Variants in BMP5 observed in about 807,000 individuals in gnomAD.
BMP5 encodes the protein bone morphogenetic protein 5.
Under a neutral mutation model 46.6 loss-of-function variants are expected in BMP5, and 23 were observed. That is an observed-to-expected ratio of 0.49 (90% confidence interval 0.35 to 0.70). The LOEUF (loss-of-function observed/expected upper bound fraction) is 0.70, where lower values mean the gene tolerates loss of function less well. Ranked by LOEUF, BMP5 falls within the 30% of genes least tolerant of loss-of-function variation. The probability of loss-of-function intolerance (pLI) is 0.00; values close to 1 mark genes in which losing one functional copy is unlikely to be tolerated. For missense variants in BMP5, 545 were observed against 565.6 expected (o/e 0.96, Z 0.37); for synonymous variants, 204 against 191.9 (o/e 1.06, Z -0.52).
intron 1 of BMP5, among the ~76,000 whole-genome samples, chr6:55,848,805 C>A (rs991552872): frequency 9.9e-5 from 15 of 151,912 alleles, no homozygotes; most frequent in African/African-American, 3.4e-4. Flanking sequence ...ATCATTTTTC[C>A]CTTATCTCCA....
chr6:55,850,345 G>T lies in BMP5; in HGVS notation c.490+24031C>A, dbSNP rs571517467. On this transcript the variant is annotated intron_variant, in intron 1 of 6. Transcript: ENST00000370830. ...GTGTGTATTTATAGATAGGTAGTTA[G>T]GTAAGTAGGTAGATAGATAGATAGA... Among the ~76,000 whole-genome samples the T allele has an allele frequency of 1.0e-4, 14 of 136,676 alleles. No homozygotes were observed. In the East Asian group the frequency reaches 2.8e-3, roughly 27 times the overall value. 89.7% of individuals were successfully genotyped at this position (136,676 alleles called of 152,430 possible).
intron 1 of BMP5, among the ~76,000 whole-genome samples, chr6:55,831,915 A>C (rs779700041): frequency 1.1e-4 from 16 of 152,248 alleles, no homozygotes; most frequent in Non-Finnish European, 1.9e-4. Flanking sequence ...AAAGAAGACA[A>C]AGACATGGGT....
chr6:55,767,264 A>G lies in BMP5; in HGVS notation c.1028-6731T>C, dbSNP rs998963132. The stretch of plus-strand genomic sequence containing the variant: ...CCACAGGTATGAGTACTTATAAGAG[A>G]GAGTGTGAACTTCTGGTTTTCTCTG... On this transcript the variant is annotated intron_variant, in intron 4 of 6. Coordinates refer to ENST00000370830, the MANE Select transcript of BMP5 (RefSeq NM_021073.4). Among the ~76,000 whole-genome samples the G allele has an allele frequency of 9.9e-5, 15 of 152,022 alleles. 1 individual carries two copies. Among genetic ancestry groups the G allele is most frequent in the Admixed American group, 7.9e-4 (12 of 15,242 alleles).
chr6:55,845,136 T>C (rs1325622875), intron 1 of BMP5, among the ~76,000 whole-genome samples: 3 of 152,060 alleles, frequency 2.0e-5, no homozygotes, highest in East Asian at 3.9e-4. Flanking sequence ...GCTAATATCT[T>C]TACATGGCAC....
At position 55,819,737 on chromosome 6, in the gene BMP5, A is replaced by G; in HGVS notation, c.601T>C (p.Tyr201His). 1 of 1,613,832 alleles carries G rather than the reference A, an allele frequency of 6.2e-7. No homozygotes were observed. Among genetic ancestry groups the G allele is most frequent in the Non-Finnish European group, 8.5e-7 (1 of 1,179,870 alleles). ...EAVTAAEFRI[Y>H]KDRSNNRFEN... Reference sequence around the variant, plus strand: ...AATCGGTTGTTGCTCCGGTCCTTGTATATCCGGAATTCAGCTGCTGTCACT... The same window carrying G: ...AATCGGTTGTTGCTCCGGTCCTTGTGTATCCGGAATTCAGCTGCTGTCACT... Residue 201 changes from tyrosine (Y) to histidine (H), a missense_variant, in exon 2 of 7, where the codon TAC becomes CAC. Physicochemically the swap from Tyr to His is moderately conservative, Grantham distance 83. Transcript: ENST00000370830.
chr6:55,812,351 G>A (rs1776155546), intron 2 of BMP5, among the ~76,000 whole-genome samples: 1 of 152,194 alleles, frequency 6.6e-6, no homozygotes, highest in East Asian at 1.9e-4. Context: ...AGAGCTATAA[G>A]TCTCACTAAG....
At chr6:55,825,217 A>G (rs1399972178) in intron 1 of BMP5, among the ~76,000 whole-genome samples, 1 of 151,864 alleles carries the variant, frequency 6.6e-6, no homozygotes, top group African/African-American at 2.4e-5. Context: ...CAAACACAAC[A>G]ATGATGGTAA....
chr6:55,793,343 T>C (rs1413980748), intron 3 of BMP5, among the ~76,000 whole-genome samples: 2 of 152,204 alleles, frequency 1.3e-5, no homozygotes, highest in East Asian at 3.8e-4. Context: ...CACCATCCTA[T>C]GTTCACAGAT....
At chr6:55,860,767 G>A (rs1287528581) in intron 1 of BMP5, among the ~76,000 whole-genome samples, 1 of 152,140 alleles carries the variant, frequency 6.6e-6, no homozygotes, top group African/African-American at 2.4e-5. Flanking sequence ...TCATTGTTTG[G>A]TTCCCTCTGT....
intron 2 of BMP5, among the ~76,000 whole-genome samples, chr6:55,811,592 A>C (rs770172868): frequency 1.3e-5 from 2 of 151,976 alleles, no homozygotes; most frequent in Non-Finnish European, 2.9e-5. Context: ...TTATACACTT[A>C]AACATTTTAG....
intron 3 of BMP5, among the ~76,000 whole-genome samples, chr6:55,781,152 C>G (rs556036146): frequency 1.3e-5 from 2 of 152,242 alleles, no homozygotes; most frequent in South Asian, 2.1e-4. Flanking sequence ...CATCATCTGT[C>G]ACATGCCCCA....
chr6:55,846,710 G>T (rs1291319384), intron 1 of BMP5, among the ~76,000 whole-genome samples: 1 of 151,582 alleles, frequency 6.6e-6, no homozygotes, highest in Non-Finnish European at 1.5e-5. Context: ...GAATGGAATG[G>T]GTTCTGACAT....
At chr6:55,772,795 T>A (rs1424834497) in intron 4 of BMP5, 4 of 985,032 alleles carry the variant, frequency 4.1e-6, no homozygotes, top group South Asian at 4.7e-5. Flanking sequence ...CATACAGAAA[T>A]CTTCCCTCCT....
Position 55,755,624 on chromosome 6 carries a change from T to C in BMP5, c.1274A>G (p.Asn425Ser). Residue 425 changes from asparagine to serine, a missense_variant, in exon 7 of 7, where the codon AAT (asparagine) becomes AGT (serine). Transcript: ENST00000370830. ...ATCAAAGTACAGAACAGAGATGGCA[T>C]TTAATTTGGTTGGAGCACAACAAGG... is the stretch of plus-strand genomic sequence containing the variant. ...PKPCCAPTKL[N>S]AISVLYFDDS... The C allele has an allele frequency of 1.2e-6, 2 of 1,612,440 alleles. No individual in the cohort carries two copies. Among genetic ancestry groups the C allele is most frequent in the African/African-American group, 1.3e-5 (1 of 74,940 alleles).
intron 1 of BMP5, among the ~76,000 whole-genome samples, chr6:55,824,727 GTCAA>G (rs1776490247): frequency 1.3e-5 from 2 of 151,926 alleles, no homozygotes; most frequent in East Asian, 1.9e-4. Flanking sequence ...AAACACTTGT[GTCAA>G]TCAATTTGCT....
rs947531630 is a variant in BMP5 at position 55,863,828 on chromosome 6, GT to G, written c.490+10547del. ...TACCATGGTGTTACAATTTCCTACA[GT>G]TTTCAGTGCAGTAACATGCTATAGA... On this transcript the variant is annotated intron_variant, in intron 1 of 6. Transcript: ENST00000370830. Among the ~76,000 whole-genome samples, 39 of 152,228 alleles carry G rather than the reference GT, an allele frequency of 2.6e-4. 1 individual carries two copies. Among genetic ancestry groups the G allele is most frequent in the African/African-American group, 9.2e-4 (38 of 41,528 alleles).
intron 4 of BMP5, among the ~76,000 whole-genome samples, chr6:55,767,566 A>G (rs1774944282): frequency 6.9e-6 from 1 of 145,852 alleles, no homozygotes; most frequent in African/African-American, 2.6e-5. Context: ...TGATGGATAG[A>G]TGATAGATAA....
intron 3 of BMP5, among the ~76,000 whole-genome samples, chr6:55,784,928 T>A (rs1254018964): frequency 6.6e-6 from 1 of 151,834 alleles, no homozygotes; most frequent in Non-Finnish European, 1.5e-5. Flanking sequence ...GTTTTCAGAT[T>A]TATTCTTAAG....
At position 55,808,710 on chromosome 6, in the gene BMP5, G is replaced by C. The variant is rs368034316; in HGVS notation, c.683+10945C>G. ...ACTCACCACCTCCCTTGGCTGGGGG[G>C]TGGTGGCCCCTCTGCCCCATGAGGC... On this transcript the variant is annotated intron_variant, in intron 2 of 6. Transcript: ENST00000370830. 5.1e-4 allele frequency among the ~76,000 whole-genome samples: 78 copies of C among 152,288 alleles called. No homozygotes were observed. In the South Asian group the frequency reaches 0.016, roughly 31 times the overall value.
Sources: allele counts gnomAD v4.1 joint callset (sites outside exome capture counted in the v4.1 genomes callset), GRCh38; gene constraint gnomAD v4.1.1; transcripts MANE v1.5; gene names NCBI Gene and HGNC (gene_info 2026-07-23, HGNC 2026-07-21).